The following SYT17 variants were observed in gnomAD, a reference collection of about 807,000 sequenced individuals.
SYT17 encodes synaptotagmin 17.
A neutral mutation model predicts 46.7 loss-of-function variants in SYT17; 22 were observed. The ratio of observed to expected loss-of-function variants is 0.47; its 90% confidence interval spans 0.34 to 0.67. The LOEUF is 0.67. Ranked by LOEUF, SYT17 falls within the 30% of genes least tolerant of loss-of-function variation. SYT17 has a pLI of 0.01. For synonymous variants in SYT17, 251 were observed against 248.4 expected (o/e 1.01, Z -0.10); for missense variants, 519 against 612.8 (o/e 0.85, Z 1.62).
At position 19,221,197 on chromosome 16, in the gene SYT17, A is replaced by G. The variant is rs543647487; in HGVS notation, c.952-1848A>G. On this transcript the variant is annotated intron_variant, in intron 5 of 7. Coordinates refer to ENST00000355377, the MANE Select transcript of SYT17 (RefSeq NM_016524.4). ...GTGAGACCTTGTCTCAAAAAAAAAA[A>G]AAAAAAAAAAAGAGAGAGAGAGAAT... Among the ~76,000 whole-genome samples the G allele has an allele frequency of 6.8e-4, 103 of 150,996 alleles. 1 individual carries two copies. Among genetic ancestry groups the G allele is most frequent in the Non-Finnish European group, 5.0e-4 (34 of 67,554 alleles).
At chr16:19,204,673 G>A (rs150349767) in intron 5 of SYT17, among the ~76,000 whole-genome samples, 243 of 152,096 alleles carry the variant, frequency 1.6e-3, no homozygotes, top group African/African-American at 5.3e-3. Flanking sequence ...CAGTATTTCC[G>A]GGGCACTTGT....
intron 5 of SYT17, among the ~76,000 whole-genome samples, chr16:19,190,894 T>G (rs1348696673): frequency 6.6e-6 from 1 of 151,962 alleles, no homozygotes; most frequent in Admixed American, 6.6e-5. Context: ...CGTTTGGCTA[T>G]TATAAATAAT....
At chr16:19,249,833 A>G in intron 7 of SYT17, 1 of 1,185,268 alleles carries the variant, frequency 8.4e-7, no homozygotes, top group Non-Finnish European at 1.1e-6. Context: ...TATTGGAGTC[A>G]TTGGGATAAC....
intron 1 of SYT17, chr16:19,170,033 T>C (rs991881228): frequency 6.6e-6 from 1 of 152,186 alleles, no homozygotes; most frequent in Non-Finnish European, 1.5e-5. Context: ...GTGGTAGATA[T>C]GTTAAGCATC....
chr16:19,190,648 TC>T (rs1331020281), intron 5 of SYT17, among the ~76,000 whole-genome samples: 1 of 152,044 alleles, frequency 6.6e-6, no homozygotes, highest in Non-Finnish European at 1.5e-5. Context: ...ATAAGTAGAG[TC>T]ATAGATTATT....
rs1457770957 is a variant in SYT17 at position 19,251,230 on chromosome 16, T to A, written c.1229-15650T>A. On this transcript the variant is annotated intron_variant, in intron 7 of 7. Transcript: ENST00000355377. Reference sequence around the variant, plus strand: ...GGAGTTGCAACTCACTCATAAAAGGTCATCAGGACCCGAATTCAAATCCCG... The same window carrying A: ...GGAGTTGCAACTCACTCATAAAAGGACATCAGGACCCGAATTCAAATCCCG... 2.6e-5 allele frequency among the ~76,000 whole-genome samples: 4 copies of A among 152,088 alleles called. No homozygotes were observed. In the East Asian group the frequency reaches 7.7e-4, roughly 29 times the overall value.
At chr16:19,205,664 T>C (rs1965641459) in intron 5 of SYT17, among the ~76,000 whole-genome samples, 1 of 152,212 alleles carries the variant, frequency 6.6e-6, no homozygotes, top group Admixed American at 6.5e-5. Flanking sequence ...GTATCTTTAG[T>C]AGAGGCAGCG....
chr16:19,211,505 T>C (rs1033808876), intron 5 of SYT17: 9 of 703,558 alleles, frequency 1.3e-5, no homozygotes, highest in Non-Finnish European at 2.6e-6. Context: ...TGGGAAATGA[T>C]GGAGGCAGAG....
At chr16:19,187,319 T>C (rs1280933570) in intron 5 of SYT17, among the ~76,000 whole-genome samples, 5 of 152,190 alleles carry the variant, frequency 3.3e-5, no homozygotes, top group Non-Finnish European at 1.5e-5. Flanking sequence ...GCTGGGATTA[T>C]TGGCATGAGC....
At chr16:19,212,021 C>T (rs78757930) in intron 5 of SYT17, among the ~76,000 whole-genome samples, 7,375 of 152,246 alleles carry the variant, frequency 0.048, 234 homozygotes, top group South Asian at 0.078. Flanking sequence ...TGGATCAAAT[C>T]ATTTCGATCC....
At chr16:19,172,856 G>T in intron 2 of SYT17, 79 bp downstream of exon 2, 1 of 1,528,102 alleles carries the variant, frequency 6.5e-7, no homozygotes, top group Non-Finnish European at 9.1e-7. Flanking sequence ...CTTATGTGGG[G>T]CTGTGGGGAT....
intron 7 of SYT17, among the ~76,000 whole-genome samples, chr16:19,237,065 A>G (rs377581436): frequency 1.1e-4 from 16 of 152,344 alleles, no homozygotes; most frequent in Middle Eastern, 3.4e-3. Flanking sequence ...CTAGGAGCCA[A>G]AGACAAAGGC....
chr16:19,176,653 G>A (rs2142528578), intron 3 of SYT17, among the ~76,000 whole-genome samples: 1 of 150,038 alleles, frequency 6.7e-6, no homozygotes, highest in East Asian at 1.9e-4. Flanking sequence ...ATTGTGACTA[G>A]AGGGGAGGAA....
chr16:19,267,242 G>C lies in SYT17; in HGVS notation c.*166G>C. The stretch of plus-strand genomic sequence containing the variant: ...ACCCCAAATCCTCTCAGAACTGAGA[G>C]GAAGCTGACTATTGATCACAAAATG... On this transcript the variant is annotated 3_prime_UTR_variant, in exon 8 of 8. Transcript: ENST00000355377. 1.6e-6 allele frequency: 1 copy of C among 623,848 alleles called. No individual in the cohort carries two copies. The highest frequency in any genetic ancestry group is 2.8e-5 in the South Asian group (1 of 36,148). The allele number at this position is 623,848 out of a possible 1,614,324, so 38.6% of individuals were successfully genotyped here.
chr16:19,201,962 G>A (rs1015359862), intron 5 of SYT17, among the ~76,000 whole-genome samples: 2 of 152,174 alleles, frequency 1.3e-5, no homozygotes, highest in African/African-American at 4.8e-5. Context: ...GTTTTCAAGA[G>A]TTCAGGATCT....
chr16:19,179,203 C>A (rs1193304638), intron 3 of SYT17, among the ~76,000 whole-genome samples: 1 of 152,158 alleles, frequency 6.6e-6, no homozygotes, highest in African/African-American at 2.4e-5. Flanking sequence ...TCATAGCCCA[C>A]TGCAGCCTCA....
chr16:19,193,807 T>C (rs1567206438), intron 5 of SYT17, among the ~76,000 whole-genome samples: 1 of 152,168 alleles, frequency 6.6e-6, no homozygotes, highest in Admixed American at 6.5e-5. Flanking sequence ...ATTCACCGAG[T>C]TCCCATGTGG....
chr16:19,202,959 C>T (rs941362598), intron 5 of SYT17, among the ~76,000 whole-genome samples: 2 of 152,106 alleles, frequency 1.3e-5, no homozygotes, highest in Non-Finnish European at 2.9e-5. Context: ...CTCAAGCTAT[C>T]CCTCCACCTC....
At chr16:19,203,228 C>T (rs1052172544) in intron 5 of SYT17, among the ~76,000 whole-genome samples, 6 of 152,010 alleles carry the variant, frequency 3.9e-5, no homozygotes, top group African/African-American at 7.3e-5. Flanking sequence ...CAGTGGCTCA[C>T]GCCTGTAATC....
Sources: allele counts gnomAD v4.1 joint callset (sites outside exome capture counted in the v4.1 genomes callset), GRCh38; gene constraint gnomAD v4.1.1; transcripts MANE v1.5; gene names NCBI Gene and HGNC (gene_info 2026-07-23, HGNC 2026-07-21).